The following EYA1 variants were observed in gnomAD, a reference collection of about 807,000 sequenced individuals.
The protein encoded by EYA1 is EYA transcriptional coactivator and phosphatase 1.
In EYA1, 16 loss-of-function variants were observed where a neutral mutation model predicts 82.0. The ratio of observed to expected loss-of-function variants is 0.20; its 90% CI spans 0.13 to 0.30. EYA1 has a LOEUF of 0.30. Ranked by LOEUF, EYA1 falls within the 10% of genes least tolerant of loss-of-function variation. The pLI is 1.00. For missense variants in EYA1, 633 were observed against 730.7 expected, an observed-to-expected ratio of 0.87 and a Z score of 1.54; for synonymous variants, 261 against 264.4, an observed-to-expected ratio of 0.99 and a Z score of 0.12.
chr8:71,416,666 C>T (rs1267872928), intron 2 of EYA1, among the ~76,000 whole-genome samples: 1 of 152,160 alleles, frequency 6.6e-6, no homozygotes, highest in Non-Finnish European at 1.5e-5. Context: ...TCTTGCCCTC[C>T]AAGTGTAGCC....
chr8:71,339,094 C>T (rs1262530924), intron 3 of EYA1, among the ~76,000 whole-genome samples: 1 of 152,158 alleles, frequency 6.6e-6, no homozygotes, highest in Admixed American at 6.5e-5. Flanking sequence ...AATTGCATTA[C>T]CTCCTTGAAA....
At chr8:71,290,249 G>A (rs570387609) in intron 9 of EYA1, among the ~76,000 whole-genome samples, 104 of 152,234 alleles carry the variant, frequency 6.8e-4, no homozygotes, top group South Asian at 1.5e-3. Flanking sequence ...GTGAAGAGAT[G>A]GCAAACACTC....
At chr8:71,205,333 T>C (rs535196959) in intron 17 of EYA1, among the ~76,000 whole-genome samples, 1 of 152,122 alleles carries the variant, frequency 6.6e-6, no homozygotes, top group South Asian at 2.1e-4. Flanking sequence ...GACTATTTCC[T>C]ACATTTTTTT....
At chr8:71,347,903 AAAAAC>A (rs1194183878) in intron 3 of EYA1, among the ~76,000 whole-genome samples, 16 of 151,246 alleles carry the variant, frequency 1.1e-4, no homozygotes, top group African/African-American at 3.7e-4. Context: ...AAAAAAAAAA[AAAAAC>A]CCCAAATCTG....
chr8:71,201,717 T>TTAC, intron 17 of EYA1, among the ~76,000 whole-genome samples: 1 of 152,294 alleles, frequency 6.6e-6, no homozygotes, highest in East Asian at 1.9e-4. Context: ...CCTACTCATT[T>TTAC]TACTACTTAA....
rs115662718 is a variant in EYA1, at chr8:71,482,891, G to C, written c.33+52853C>G. Among the ~76,000 whole-genome samples the C allele has an allele frequency of 3.3e-3, 505 of 152,324 alleles. 3 individuals carry two copies. The highest frequency in any genetic ancestry group is 0.012 in the African/African-American group (481 of 41,572). ...CTTTGTGGGTATCAGCTGAAAGAGA[G>C]GGGGTACAATGGAGGTAGTGTAAAT... On this transcript the variant is annotated intron_variant, in intron 2 of 18. Transcript: ENST00000643681.
intron 11 of EYA1, among the ~76,000 whole-genome samples, chr8:71,264,166 C>T (rs973422942): frequency 6.6e-6 from 1 of 152,210 alleles, no homozygotes; most frequent in African/African-American, 2.4e-5. Context: ...AGTGAGGACA[C>T]TGGTGTCCTA....
chr8:71,280,176 A>C (rs776978695), intron 9 of EYA1, among the ~76,000 whole-genome samples: 2 of 152,192 alleles, frequency 1.3e-5, no homozygotes, highest in Non-Finnish European at 2.9e-5. Flanking sequence ...AGCTGAATCT[A>C]GGGGACACAA....
intron 11 of EYA1, among the ~76,000 whole-genome samples, chr8:71,256,181 T>C (rs1476283074): frequency 6.6e-6 from 1 of 152,170 alleles, no homozygotes; most frequent in African/African-American, 2.4e-5. Context: ...ATATAATTAC[T>C]ATATGATCCC....
chr8:71,236,741 A>C (rs1490506791), intron 12 of EYA1, among the ~76,000 whole-genome samples: 5 of 152,208 alleles, frequency 3.3e-5, no homozygotes, highest in Non-Finnish European at 7.4e-5. Context: ...TAGTAGAGAT[A>C]TCATGCTGTT....
At chr8:71,288,208 G>A (rs4738123) in intron 9 of EYA1, among the ~76,000 whole-genome samples, 1 of 152,142 alleles carries the variant, frequency 6.6e-6, no homozygotes, top group Non-Finnish European at 1.5e-5. Flanking sequence ...AATTCTCAAT[G>A]AGTACTGTCA....
At chr8:71,439,229 C>A (rs1390226015) in intron 2 of EYA1, among the ~76,000 whole-genome samples, 2 of 152,182 alleles carry the variant, frequency 1.3e-5, no homozygotes, top group East Asian at 3.8e-4. Flanking sequence ...TGCTTGACCA[C>A]CTAGCCATAA....
intron 9 of EYA1, among the ~76,000 whole-genome samples, chr8:71,288,612 G>C (rs1818652905): frequency 6.6e-6 from 1 of 152,196 alleles, no homozygotes. Flanking sequence ...AAGTGGATTT[G>C]TAGATATAAG....
intron 2 of EYA1, among the ~76,000 whole-genome samples, chr8:71,489,895 CT>C (rs1298431731): frequency 6.6e-6 from 1 of 152,176 alleles, no homozygotes; most frequent in Non-Finnish European, 1.5e-5. Context: ...GAACTTGCAG[CT>C]TTGTGAGTTA....
At chr8:71,223,620 T>G (rs1368978629) in intron 12 of EYA1, among the ~76,000 whole-genome samples, 1 of 152,160 alleles carries the variant, frequency 6.6e-6, no homozygotes, top group Non-Finnish European at 1.5e-5. Flanking sequence ...CTCACAGCCA[T>G]GCGGCAAATG....
At chr8:71,430,768 T>A (rs7009670) in intron 2 of EYA1, among the ~76,000 whole-genome samples, 99,146 of 151,966 alleles carry the variant, frequency 0.65, 33,371 homozygotes, top group Middle Eastern at 0.73. Flanking sequence ...AGGGTAAGAA[T>A]GAAGTTGCTT....
chr8:71,527,989 G>A (rs1189631053), intron 2 of EYA1, among the ~76,000 whole-genome samples: 3 of 151,572 alleles, frequency 2.0e-5, no homozygotes, highest in East Asian at 3.9e-4. Context: ...CCTAGCCCTC[G>A]CCCCCACCCC....
chr8:71,322,702 C>G (rs541479213), intron 4 of EYA1, among the ~76,000 whole-genome samples: 1 of 152,248 alleles, frequency 6.6e-6, no homozygotes, highest in East Asian at 1.9e-4. Flanking sequence ...AACACACAAA[C>G]CTGAGGCTGT....
intron 7 of EYA1, among the ~76,000 whole-genome samples, chr8:71,310,080 G>A (rs1194839450): frequency 1.3e-5 from 2 of 152,062 alleles, no homozygotes; most frequent in Non-Finnish European, 2.9e-5. Flanking sequence ...TGGGATGATG[G>A]GAATGTCCTA....
Sources: gnomAD v4.1 joint callset for allele counts (sites outside exome capture counted in the v4.1 genomes callset) on GRCh38, gnomAD v4.1.1 for gene constraint, MANE v1.5 for transcripts, NCBI Gene and HGNC (gene_info 2026-07-23, HGNC 2026-07-21) for gene names.